Variants in CNTN5 observed in about 807,000 individuals in gnomAD.
The protein encoded by CNTN5 is contactin-5.
Under a neutral mutation model 129.1 loss-of-function variants are expected in CNTN5, and 77 were observed. The ratio of observed to expected loss-of-function variants is 0.60; its 90% CI spans 0.50 to 0.72. The LOEUF (loss-of-function observed/expected upper bound fraction) is 0.72. Ranked by LOEUF, CNTN5 falls within the 30% of genes least tolerant of loss-of-function variation. The pLI is 0.00. For synonymous variants in CNTN5, 509 were observed against 465.6 expected (o/e 1.09, Z -1.20); for missense variants, 1,478 against 1,328.8 (o/e 1.11, Z -1.75).
chr11:99,813,879 G>C (rs1441726080), intron 3 of CNTN5, among the ~76,000 whole-genome samples: 1 of 152,064 alleles, frequency 6.6e-6, no homozygotes, highest in Non-Finnish European at 1.5e-5. Context: ...TCTTTAAAGA[G>C]AGACATTGTG....
intron 2 of CNTN5, among the ~76,000 whole-genome samples, chr11:99,497,703 T>C (rs1362556591): frequency 1.3e-5 from 2 of 152,150 alleles, no homozygotes; most frequent in Non-Finnish European, 2.9e-5. Context: ...TTGTTTGAAA[T>C]TGGAGACTTC....
At chr11:99,531,072 A>C (rs527357190) in intron 2 of CNTN5, among the ~76,000 whole-genome samples, 2 of 152,314 alleles carry the variant, frequency 1.3e-5, no homozygotes, top group Admixed American at 1.3e-4. Flanking sequence ...GAAAATGTGG[A>C]AGAGTTTGGA....
At chr11:99,880,685 G>C (rs868375714) in intron 6 of CNTN5, among the ~76,000 whole-genome samples, 2 of 152,014 alleles carry the variant, frequency 1.3e-5, no homozygotes, top group Admixed American at 1.3e-4. Flanking sequence ...TTTGTCCTTT[G>C]CAAAATGTTA....
At chr11:100,248,418 C>T (rs947707410) in intron 16 of CNTN5, among the ~76,000 whole-genome samples, 5 of 151,876 alleles carry the variant, frequency 3.3e-5, no homozygotes, top group Admixed American at 2.0e-4. Flanking sequence ...TGGTGGCATG[C>T]GCCTGTGTCT....
At chr11:99,837,703 A>AC (rs1947351437) in intron 4 of CNTN5, among the ~76,000 whole-genome samples, 1 of 146,796 alleles carries the variant, frequency 6.8e-6, no homozygotes, top group African/African-American at 2.5e-5. Context: ...AAAAAAAAAA[A>AC]ACCTATCAAA....
intron 8 of CNTN5, among the ~76,000 whole-genome samples, chr11:99,967,258 A>T (rs1951119329): frequency 6.6e-6 from 1 of 152,194 alleles, no homozygotes; most frequent in African/African-American, 2.4e-5. Context: ...AGCAGTGGTG[A>T]AGGTTTGGAA....
At chr11:99,916,022 C>A in intron 6 of CNTN5, 32 bp from the exon 7 acceptor site, 2 of 1,512,524 alleles carry the variant, frequency 1.3e-6, no homozygotes, top group Non-Finnish European at 1.8e-6. Flanking sequence ...TTCTTTTCTG[C>A]CTTGGATCTA....
intron 1 of CNTN5, among the ~76,000 whole-genome samples, chr11:99,311,472 T>C (rs1865113222): frequency 6.6e-6 from 1 of 152,122 alleles, no homozygotes; most frequent in South Asian, 2.1e-4. Context: ...TTCCAGAGAT[T>C]TCATTTTTGT....
chr11:100,327,389 C>A (rs1376456205), intron 21 of CNTN5, among the ~76,000 whole-genome samples: 1 of 152,198 alleles, frequency 6.6e-6, no homozygotes, highest in African/African-American at 2.4e-5. Context: ...TTCCAGACTG[C>A]ACACAGGATG....
intron 2 of CNTN5, among the ~76,000 whole-genome samples, chr11:99,356,548 C>T (rs1480108668): frequency 2.0e-5 from 3 of 152,174 alleles, no homozygotes; most frequent in African/African-American, 7.2e-5. Flanking sequence ...TTTTGAACAC[C>T]TACGTTGTGC....
At chr11:99,483,622 G>A (rs1945691028) in intron 2 of CNTN5, among the ~76,000 whole-genome samples, 1 of 152,020 alleles carries the variant, frequency 6.6e-6, no homozygotes, top group African/African-American at 2.4e-5. Flanking sequence ...GTGAGACAGC[G>A]TAGCAACCAC....
chr11:99,356,297 A>G (rs1414961270), intron 2 of CNTN5, among the ~76,000 whole-genome samples: 1 of 152,188 alleles, frequency 6.6e-6, no homozygotes, highest in Non-Finnish European at 1.5e-5. Flanking sequence ...CCATGTATCA[A>G]ACTAATCATA....
intron 7 of CNTN5, among the ~76,000 whole-genome samples, chr11:99,919,611 TC>T (rs1230107484): frequency 1.3e-5 from 2 of 152,268 alleles, no homozygotes; most frequent in East Asian, 3.9e-4. Flanking sequence ...GCAATTTTTA[TC>T]CCATAAAATT....
At chr11:99,371,969 TGTAA>T (rs1221275273) in intron 2 of CNTN5, among the ~76,000 whole-genome samples, 4 of 152,200 alleles carry the variant, frequency 2.6e-5, no homozygotes, top group Admixed American at 1.3e-4. Flanking sequence ...TACAAAATGC[TGTAA>T]GTGAGGATGA....
intron 3 of CNTN5, among the ~76,000 whole-genome samples, chr11:99,727,107 C>T (rs1028268487): frequency 2.1e-4 from 31 of 148,644 alleles, no homozygotes; most frequent in African/African-American, 7.7e-4. Context: ...GAGATCGAGA[C>T]CATCCTGGCT....
intron 8 of CNTN5, among the ~76,000 whole-genome samples, chr11:99,971,726 A>G (rs745900882): frequency 9.9e-5 from 15 of 152,110 alleles, no homozygotes; most frequent in Non-Finnish European, 1.8e-4. Context: ...AATCGAAATT[A>G]TGGTCAAAGA....
chr11:100,233,791 C>T (rs1317122003), intron 16 of CNTN5, among the ~76,000 whole-genome samples: 2 of 151,786 alleles, frequency 1.3e-5, no homozygotes, highest in African/African-American at 2.4e-5. Context: ...AAGTCTTTGC[C>T]CATGCCCAGA....
chr11:100,319,235 C>T (rs1172679551), intron 21 of CNTN5, among the ~76,000 whole-genome samples: 1 of 151,696 alleles, frequency 6.6e-6, no homozygotes, highest in East Asian at 1.9e-4. Flanking sequence ...TCACTGCAAC[C>T]TCCGCCTCCT....
At chr11:99,901,494 T>C (rs553801086) in intron 6 of CNTN5, among the ~76,000 whole-genome samples, 1 of 152,082 alleles carries the variant, frequency 6.6e-6, no homozygotes, top group Non-Finnish European at 1.5e-5. Flanking sequence ...GGTTTCACCA[T>C]GGTGACCAGG....
Sources: gnomAD v4.1 joint callset for allele counts (sites outside exome capture counted in the v4.1 genomes callset) on GRCh38, gnomAD v4.1.1 for gene constraint, MANE v1.5 for transcripts, NCBI Gene and HGNC (gene_info 2026-07-23, HGNC 2026-07-21) for gene names.